The following ANKFY1 variants were observed in gnomAD, a reference collection of about 807,000 sequenced individuals.
The protein encoded by ANKFY1 is ankyrin repeat and FYVE domain containing 1.
A neutral mutation model predicts 128.3 loss-of-function variants in ANKFY1; 47 were observed. That is an observed-to-expected ratio of 0.37 (90% CI 0.29 to 0.47). The LOEUF (loss-of-function observed/expected upper bound fraction) is 0.47. ANKFY1 is among the 20% of genes least tolerant of loss of function. The pLI, the probability that ANKFY1 is intolerant of heterozygous loss-of-function variation, is 1.00. For missense variants in ANKFY1, 1,222 were observed against 1,510.6 expected, an observed-to-expected ratio of 0.81 and a Z score of 3.17; for synonymous variants, 553 against 601.6, an observed-to-expected ratio of 0.92 and a Z score of 1.18.
chr17:4,186,967 CCT>C (rs2059623017), intron 11 of ANKFY1: 8 of 1,196,218 alleles, frequency 6.7e-6, no homozygotes, highest in South Asian at 4.3e-5. Context: ...TGGCCAGTTT[CCT>C]CTGTTTTTCC....
chr17:4,179,723 G>A lies in ANKFY1; in HGVS notation c.2395C>T (p.Gln799Ter). Residue 799 changes from glutamine (Q) to a stop codon, truncating the protein, a stop_gained and splice_region_variant, in exon 17 of 25, where the codon CAG becomes TAG. Coordinates refer to ENST00000341657, the MANE Select transcript of ANKFY1 (RefSeq NM_001330063.2). LOFTEE classifies it high-confidence loss of function. ...LLEFGANVNA[Q>*]DAEGRTPIHV... ...CCCGGAAAAGAGAAACGACACACCT[G>A]TGCGTTCACGTTGGCACCAAACTCC... is the stretch of plus-strand genomic sequence containing the variant. The A allele has an allele frequency of 3.7e-6, 6 of 1,613,944 alleles. No individual in the cohort carries two copies. The highest frequency in any genetic ancestry group is 2.5e-6 in the Non-Finnish European group (3 of 1,180,004).
intron 1 of ANKFY1, among the ~76,000 whole-genome samples, chr17:4,262,836 A>G (rs1170951029): frequency 6.6e-6 from 1 of 152,200 alleles, no homozygotes; most frequent in African/African-American, 2.4e-5. Context: ...CAATAAAGGC[A>G]AATACACACG....
chr17:4,251,801 A>G (rs927894969), intron 1 of ANKFY1, among the ~76,000 whole-genome samples: 4 of 152,118 alleles, frequency 2.6e-5, no homozygotes, highest in Admixed American at 6.5e-5. Flanking sequence ...TTGGGAGGCC[A>G]AGGTGGATGG....
Position 4,167,328 on chromosome 17 carries a change from C to T in ANKFY1, c.*451G>A, listed in dbSNP as rs2142998073. 6.5e-6 allele frequency: 1 copy of T among 154,208 alleles called. No individual in the cohort carries two copies. The highest frequency in any genetic ancestry group is 2.1e-4 in the South Asian group (1 of 4,846). The allele number at this position is 154,208 out of a possible 1,614,324, so 9.6% of individuals were successfully genotyped here. On this transcript the variant is annotated 3_prime_UTR_variant, in exon 25 of 25. Coordinates refer to ENST00000341657, the MANE Select transcript of ANKFY1 (RefSeq NM_001330063.2). This position sits in a 1 kb window ranked among gnomAD's most constrained non-coding sequence, Gnocchi z 4.1. ...AACACTGTGCAGAAAAGTCCACAGCCACTTACCCTAGAGTAAAGCCAGCTC... is the reference window on the plus strand; with the variant it reads ...AACACTGTGCAGAAAAGTCCACAGCTACTTACCCTAGAGTAAAGCCAGCTC...
chr17:4,256,708 C>G (rs1968150557), intron 1 of ANKFY1, among the ~76,000 whole-genome samples: 1 of 152,154 alleles, frequency 6.6e-6, no homozygotes, highest in Admixed American at 6.6e-5. Context: ...AATACTTTGC[C>G]TTCCCCTCTC....
intron 4 of ANKFY1, among the ~76,000 whole-genome samples, chr17:4,215,118 G>A (rs934897491): frequency 5.3e-5 from 8 of 151,652 alleles, no homozygotes; most frequent in Admixed American, 1.3e-4. Context: ...GCAAAACCCC[G>A]TCTCTACTAA....
chr17:4,219,037 G>A (rs1406023345), intron 3 of ANKFY1, among the ~76,000 whole-genome samples: 1 of 152,050 alleles, frequency 6.6e-6, no homozygotes, highest in Non-Finnish European at 1.5e-5. Context: ...GAGATTGGAA[G>A]GATATATACT....
rs943544773 is a variant in ANKFY1, at chr17:4,165,164, TA to T, written c.*2614del. 5.3e-5 allele frequency: 8 copies of T among 152,220 alleles called. No homozygotes were observed. The highest frequency in any genetic ancestry group is 1.9e-4 in the African/African-American group (8 of 41,458). 9.4% of individuals were successfully genotyped at this position (152,220 alleles called of 1,614,324 possible). A position where few individuals can be genotyped will look rare whatever the true frequency, so the allele number is the denominator to read the frequency against. On this transcript the variant is annotated 3_prime_UTR_variant, in exon 25 of 25. Transcript: ENST00000341657. ...CGATTTATATATAGCACATGGTCCG[TA>T]CCTTTGTTTTAAAAACAACGACAAC...
At chr17:4,206,180 G>A in intron 7 of ANKFY1, 141 bp downstream of exon 7, 1 of 930,232 alleles carries the variant, frequency 1.1e-6, no homozygotes, top group African/African-American at 1.7e-5. Context: ...CTGACCCAAT[G>A]ATCAAATTCT....
At chr17:4,198,512 T>C (rs1262114168) in intron 7 of ANKFY1, among the ~76,000 whole-genome samples, 1 of 151,920 alleles carries the variant, frequency 6.6e-6, no homozygotes, top group African/African-American at 2.4e-5. Context: ...GCTGGGACTA[T>C]AGGCATGTGC....
chr17:4,173,427 T>C lies in ANKFY1; in HGVS notation c.2941A>G (p.Met981Val). Residue 981 changes from methionine to valine, a missense_variant, in exon 21 of 25, where the codon ATG becomes GTG. Physicochemically the swap from Met to Val is conservative, Grantham distance 21 (BLOSUM62 1). Transcript: ENST00000341657. ...CGGATGTTGTTGAGCCGGCCGTGCATGACAGCAAGATGAAGAGCTGGGAAG... is the reference window on the plus strand; with the variant it reads ...CGGATGTTGTTGAGCCGGCCGTGCACGACAGCAAGATGAAGAGCTGGGAAG... ...NGNNALHLAV[M>V]HGRLNNIRVL... The C allele has an allele frequency of 6.2e-7, 1 of 1,614,144 alleles. No individual in the cohort carries two copies. Among genetic ancestry groups the C allele is most frequent in the Non-Finnish European group, 8.5e-7 (1 of 1,179,974 alleles).
At chr17:4,256,714 C>T (rs1015882877) in intron 1 of ANKFY1, among the ~76,000 whole-genome samples, 1 of 152,160 alleles carries the variant, frequency 6.6e-6, no homozygotes, top group African/African-American at 2.4e-5. Context: ...TTGCCTTCCC[C>T]TCTCTGTTCT....
intron 1 of ANKFY1, chr17:4,263,722 G>A (rs1053299202): frequency 6.1e-5 from 90 of 1,482,016 alleles, no homozygotes; most frequent in Non-Finnish European, 7.6e-5. Flanking sequence ...AGTCCCGCGG[G>A]GTCGGCATCG....
intron 3 of ANKFY1, 106 bp from the exon 4 acceptor site, chr17:4,217,224 C>T: frequency 7.8e-7 from 1 of 1,289,748 alleles, no homozygotes; most frequent in Non-Finnish European, 1.1e-6. Context: ...GACAGTATAC[C>T]CAACTTAAAG....
intron 2 of ANKFY1, among the ~76,000 whole-genome samples, chr17:4,236,277 T>C (rs1338666050): frequency 6.6e-6 from 1 of 152,170 alleles, no homozygotes; most frequent in Admixed American, 6.5e-5. Context: ...AGGTTAAAGA[T>C]GGTGATGACA....
At position 4,187,565 on chromosome 17, in the gene ANKFY1, C is replaced by T. The variant is rs148633931; in HGVS notation, c.1470+1817G>A. On this transcript the variant is annotated intron_variant, in intron 11 of 24. Transcript: ENST00000341657. The stretch of plus-strand genomic sequence containing the variant: ...CTCCAGTGCTTTCAAGTGAGGCCTC[C>T]CGTTTCTCTACAGCTTGGGTTTGAC... 641 of 327,490 alleles carry T rather than the reference C, an allele frequency of 2.0e-3. 3 individuals are homozygous for T. Among genetic ancestry groups the T allele is most frequent in the African/African-American group, 0.013 (596 of 47,286 alleles). The allele number at this position is 327,490 out of a possible 1,614,324, so 20.3% of individuals were successfully genotyped here.
intron 11 of ANKFY1, chr17:4,187,171 T>C (rs1462277462): frequency 8.5e-6 from 4 of 473,194 alleles, no homozygotes; most frequent in Non-Finnish European, 1.4e-5. Flanking sequence ...CCCCTCCAAG[T>C]TCCCAAATTC....
rs2060096185 is a variant in ANKFY1, at chr17:4,209,928, A to T, written c.478T>A (p.Ser160Thr). ...LRERCEKGVM[S>T]LVNVRNCIRF... is the part of the protein sequence containing the mutation. Reference sequence around the variant, plus strand: ...ATACAGTTCCTGACATTCACTAGAGACATAACACCCTTCTCACATCTGTAA... The same window carrying T: ...ATACAGTTCCTGACATTCACTAGAGTCATAACACCCTTCTCACATCTGTAA... The change falls in exon 5 of 25, where the codon TCT becomes ACT. Residue 160 changes from serine (S) to threonine (T), a missense_variant. By Grantham distance (58) the Ser-to-Thr change is moderately conservative. Coordinates refer to ENST00000341657, the MANE Select transcript of ANKFY1 (RefSeq NM_001330063.2). 1 of 1,613,512 alleles carries T rather than the reference A, an allele frequency of 6.2e-7. No individual in the cohort carries two copies. The highest frequency in any genetic ancestry group is 8.5e-7 in the Non-Finnish European group (1 of 1,179,494).
chr17:4,249,243 TC>T, intron 1 of ANKFY1: 1 of 299,662 alleles, frequency 3.3e-6, no homozygotes, highest in African/African-American at 2.3e-5. Context: ...GGGGCACTAC[TC>T]AACTCTGCCA....
Sources: allele counts gnomAD v4.1 joint callset (sites outside exome capture counted in the v4.1 genomes callset), GRCh38; gene constraint gnomAD v4.1.1; non-coding constraint Gnocchi (gnomAD v3.1); transcripts MANE v1.5; gene names NCBI Gene and HGNC (gene_info 2026-07-23, HGNC 2026-07-21).